TVP23B: variants seen among roughly 807,000 people sequenced by gnomAD.
TVP23B encodes the protein Golgi apparatus membrane protein TVP23 homolog B.
TVP23B carries 10 observed loss-of-function variants against 30.6 expected under a neutral mutation model. That is an observed-to-expected ratio of 0.33 (90% CI 0.20 to 0.55). TVP23B has a LOEUF of 0.55. Among genes scored for constraint, TVP23B ranks in the 20% least tolerant of loss-of-function variants. The probability of loss-of-function intolerance (pLI) is 0.91; values close to 1 mark genes in which losing one functional copy is unlikely to be tolerated. For synonymous variants in TVP23B, 67 were observed against 83.1 expected (o/e 0.81, Z 1.06); for missense variants, 153 against 243.2 (o/e 0.63, Z 2.47).
At chr17:18,797,815 A>G (rs1022258745) in intron 4 of TVP23B, 147 bp downstream of exon 4, 1 of 1,021,078 alleles carries the variant, frequency 9.8e-7, no homozygotes, top group African/African-American at 1.6e-5. Flanking sequence ...GCCTTCTAGA[A>G]TTTAATGCAT....
chr17:18,787,416 A>AAAG (rs1286130536), intron 1 of TVP23B, among the ~76,000 whole-genome samples: 2 of 149,432 alleles, frequency 1.3e-5, no homozygotes, highest in Non-Finnish European at 3.0e-5. Flanking sequence ...AAAAAAAAAA[A>AAAG]AAACCTTGTC....
At chr17:18,784,750 T>C (rs2035873681) in intron 1 of TVP23B, among the ~76,000 whole-genome samples, 1 of 152,250 alleles carries the variant, frequency 6.6e-6, no homozygotes, top group South Asian at 2.1e-4. Context: ...AGGCACTTTG[T>C]TTGGTTTCCA....
intron 3 of TVP23B, among the ~76,000 whole-genome samples, chr17:18,795,016 CTTTTTTTTTTTT>C (rs781620472): frequency 1.3e-4 from 6 of 46,218 alleles, no homozygotes; most frequent in Admixed American, 3.8e-4. Context: ...CATCTCAAAT[CTTTTTTTTTTTT>C]TTTTTTTTTT....
intron 4 of TVP23B, among the ~76,000 whole-genome samples, chr17:18,798,063 AAG>A (rs2036102444): frequency 2.0e-5 from 3 of 152,146 alleles, no homozygotes; most frequent in Non-Finnish European, 4.4e-5. Flanking sequence ...GGGCAGGAAA[AAG>A]GAGGAGGAGT....
intron 1 of TVP23B, among the ~76,000 whole-genome samples, chr17:18,784,051 AG>A (rs1597612715): frequency 1.3e-5 from 2 of 151,900 alleles, no homozygotes; most frequent in East Asian, 1.9e-4. Context: ...AAGCTGAGGC[AG>A]GAGAATGGCA....
At chr17:18,790,526 CTGAG>C (rs1171498403) in intron 2 of TVP23B, among the ~76,000 whole-genome samples, 4 of 150,972 alleles carry the variant, frequency 2.6e-5, no homozygotes, top group African/African-American at 9.7e-5. Flanking sequence ...GTCTTAATGT[CTGAG>C]TGATTTCTGA....
chr17:18,804,343 C>A, intron 6 of TVP23B, 77 bp downstream of exon 6: 1 of 1,485,866 alleles, frequency 6.7e-7, no homozygotes, highest in South Asian at 1.3e-5. Flanking sequence ...ATGAAACGCT[C>A]CTGAACAGAA....
intron 1 of TVP23B, chr17:18,782,274 GAGGT>G (rs2035819054): frequency 6.6e-6 from 1 of 151,102 alleles, no homozygotes; most frequent in South Asian, 2.1e-4. Flanking sequence ...TTGGGAGGAC[GAGGT>G]GGGTGGATCA....
Position 18,805,817 on chromosome 17 carries a change from A to G in TVP23B, c.*250A>G. 7.4e-7 allele frequency: 1 copy of G among 1,350,106 alleles called. No homozygotes were observed. The highest frequency in any genetic ancestry group is 9.5e-7 in the Non-Finnish European group (1 of 1,050,972). 83.6% of individuals were successfully genotyped at this position (1,350,106 alleles called of 1,614,324 possible). A position where few individuals can be genotyped will look rare whatever the true frequency, so the allele number is the denominator to read the frequency against. ...TTTGTTCTGTGGTGTAGGTATGCACATTCCATAGGTATGCACACGGCCATG... is the reference window on the plus strand; with the variant it reads ...TTTGTTCTGTGGTGTAGGTATGCACGTTCCATAGGTATGCACACGGCCATG... On this transcript the variant is annotated 3_prime_UTR_variant, in exon 7 of 7. Transcript: ENST00000307767.
At chr17:18,789,323 T>C in intron 1 of TVP23B, 30 bp from the exon 2 acceptor site, 16 of 1,613,958 alleles carry the variant, frequency 9.9e-6, no homozygotes, top group Non-Finnish European at 1.4e-5. Flanking sequence ...AATTTTGTTT[T>C]GCTTCTTGAC....
rs2035926418 is a variant in TVP23B at position 18,787,475 on chromosome 17, A to C, written c.13-1878A>C. ...TCTATATGGAGGTAGGAGCGGGTAG[A>C]TGTGCAATAAGAATACTCTGAGATG... On this transcript the variant is annotated intron_variant, in intron 1 of 6. Coordinates refer to ENST00000307767, the MANE Select transcript of TVP23B (RefSeq NM_016078.6). 3.3e-5 allele frequency among the ~76,000 whole-genome samples: 5 copies of C among 151,708 alleles called. No individual in the cohort carries two copies. In the South Asian group the frequency reaches 1.0e-3, roughly 32 times the overall value.
intron 1 of TVP23B, among the ~76,000 whole-genome samples, chr17:18,785,844 A>G (rs2035897309): frequency 6.6e-6 from 1 of 152,158 alleles, no homozygotes; most frequent in Non-Finnish European, 1.5e-5. Flanking sequence ...AAAAAAAAAA[A>G]ATGGCCAGTC....
At chr17:18,782,151 G>A (rs539554503) in intron 1 of TVP23B, 36 of 152,046 alleles carry the variant, frequency 2.4e-4, no homozygotes, top group African/African-American at 8.4e-4. Context: ...CTTGAGTGGA[G>A]AAAATCTAAT....
rs2035957347 is a variant in TVP23B at position 18,789,386 on chromosome 17, T to C, written c.46T>C (p.Phe16Leu). 6.2e-7 allele frequency: 1 copy of C among 1,613,872 alleles called. No individual in the cohort carries two copies. The highest frequency in any genetic ancestry group is 8.5e-7 in the Non-Finnish European group (1 of 1,179,876). Residue 16 changes from phenylalanine (F) to leucine (L), a missense_variant, in exon 2 of 7, where the codon TTT becomes CTT. By Grantham distance (22) the Phe-to-Leu change is conservative. This residue lies in a region of TVP23B where 38 missense variants were observed against 40.9 expected (regional missense o/e 0.93). Coordinates refer to ENST00000307767, the MANE Select transcript of TVP23B (RefSeq NM_016078.6). ...TGATGACACTGAAGATGTTTCACTGTTTGATGCGGAAGAGGAGACGACTAA... is the reference window on the plus strand; with the variant it reads ...TGATGACACTGAAGATGTTTCACTGCTTGATGCGGAAGAGGAGACGACTAA... ...SNDDTEDVSL[F>L]DAEEETTNRP...
intron 3 of TVP23B, chr17:18,796,850 T>C (rs2036084376): frequency 6.6e-6 from 1 of 152,336 alleles, no homozygotes; most frequent in African/African-American, 2.4e-5. Flanking sequence ...TTATCTTTTA[T>C]ATTTCATTCC....
intron 1 of TVP23B, among the ~76,000 whole-genome samples, chr17:18,785,083 T>G (rs962668818): frequency 6.6e-6 from 1 of 152,202 alleles, no homozygotes; most frequent in African/African-American, 2.4e-5. Context: ...GTGATTAAAG[T>G]AGTTTCCTAA....
At chr17:18,803,282 C>T (rs2036195857) in intron 5 of TVP23B, among the ~76,000 whole-genome samples, 1 of 152,088 alleles carries the variant, frequency 6.6e-6, no homozygotes, top group South Asian at 2.1e-4. Context: ...CAGCCTTGCC[C>T]ACTTATATAT....
intron 5 of TVP23B, among the ~76,000 whole-genome samples, chr17:18,801,178 C>T (rs796625603): frequency 0.012 from 1,833 of 146,868 alleles, no homozygotes; most frequent in Non-Finnish European, 0.019. Context: ...TGTTATCTCA[C>T]CCTCATGCTT....
intron 1 of TVP23B, chr17:18,781,684 C>A (rs2035810344): frequency 3.3e-6 from 1 of 301,642 alleles, no homozygotes; most frequent in African/African-American, 2.1e-5. Context: ...TCGGCGACAC[C>A]GCCAGAGCCT....
Sources: allele counts gnomAD v4.1 joint callset (sites outside exome capture counted in the v4.1 genomes callset), GRCh38; gene constraint gnomAD v4.1.1; regional missense constraint gnomAD v4.1.1; transcripts MANE v1.5; gene names NCBI Gene and HGNC (gene_info 2026-07-23, HGNC 2026-07-21).